The following CCDC30 variants were observed in gnomAD, a reference collection of about 807,000 sequenced individuals.
The protein encoded by CCDC30 is coiled-coil domain-containing protein 30.
Under a neutral mutation model 100.2 loss-of-function variants are expected in CCDC30, and 70 were observed. The observed-to-expected ratio is 0.70, with a 90% confidence interval of 0.58 to 0.85. The LOEUF is 0.85. Among genes scored for constraint, CCDC30 ranks in the 40% least tolerant of loss-of-function variants. The pLI is 0.00. For missense variants in CCDC30, 652 were observed against 771.2 expected, an observed-to-expected ratio of 0.85 and a Z score of 1.83; for synonymous variants, 233 against 269.5, an observed-to-expected ratio of 0.86 and a Z score of 1.33.
intron 10 of CCDC30, among the ~76,000 whole-genome samples, chr1:42,600,007 C>T (rs1056324249): frequency 3.3e-5 from 5 of 152,174 alleles, no homozygotes; most frequent in East Asian, 1.9e-4. Context: ...TAAACACTTT[C>T]GAACAACTGG....
intron 6 of CCDC30, among the ~76,000 whole-genome samples, chr1:42,510,716 C>G (rs953619895): frequency 3.3e-5 from 5 of 151,408 alleles, no homozygotes; most frequent in Non-Finnish European, 5.9e-5. Context: ...AGAAAATTGG[C>G]CTAAGTCTCC....
intron 6 of CCDC30, among the ~76,000 whole-genome samples, chr1:42,515,090 T>G (rs1408453514): frequency 6.6e-6 from 1 of 151,872 alleles, no homozygotes; most frequent in Non-Finnish European, 1.5e-5. Flanking sequence ...GGGTGGGCCT[T>G]AATCCAATAT....
chr1:42,472,512 C>T (rs1054532802), intron 1 of CCDC30, among the ~76,000 whole-genome samples: 1 of 152,118 alleles, frequency 6.6e-6, no homozygotes, highest in Non-Finnish European at 1.5e-5. Flanking sequence ...GCCTCTCTAG[C>T]TTCCAGAGGA....
intron 1 of CCDC30, among the ~76,000 whole-genome samples, chr1:42,476,076 A>G (rs1411200028): frequency 1.3e-5 from 2 of 152,230 alleles, no homozygotes; most frequent in African/African-American, 2.4e-5. Flanking sequence ...AAATATATGG[A>G]AAGGCTGAAA....
At chr1:42,621,839 G>C (rs1053388859) in intron 11 of CCDC30, among the ~76,000 whole-genome samples, 1 of 151,856 alleles carries the variant, frequency 6.6e-6, no homozygotes, top group African/African-American at 2.4e-5. Flanking sequence ...TAGAGTCAAG[G>C]TCTTACTATG....
At chr1:42,521,595 T>C (rs995395751) in intron 6 of CCDC30, among the ~76,000 whole-genome samples, 9 of 152,168 alleles carry the variant, frequency 5.9e-5, no homozygotes, top group African/African-American at 2.2e-4. Context: ...GTTGTTCAAG[T>C]CCTCTATTTC....
chr1:42,457,145 C>T, the CCDC30 span: 8 of 1,590,094 alleles, frequency 5.0e-6, no homozygotes, highest in Non-Finnish European at 6.0e-6. Flanking sequence ...CCCCTTACCT[C>T]CTGCTTACCC....
chr1:42,465,005 C>A (rs1569651995), intron 1 of CCDC30, among the ~76,000 whole-genome samples: 1 of 152,152 alleles, frequency 6.6e-6, no homozygotes, highest in Admixed American at 6.5e-5. Flanking sequence ...CTGGATAAAA[C>A]CTAACTCTTG....
chr1:42,498,744 A>C (rs897978172), intron 5 of CCDC30, 74 bp from the exon 6 acceptor site: 1 of 628,006 alleles, frequency 1.6e-6, no homozygotes. Flanking sequence ...TTACTTGTAT[A>C]ATTAAAAAAC....
At chr1:42,503,210 G>A (rs6664054) in intron 6 of CCDC30, among the ~76,000 whole-genome samples, 3,744 of 152,184 alleles carry the variant, frequency 0.025, 64 homozygotes, top group Non-Finnish European at 0.04. Context: ...TGTTGTCAGG[G>A]GTAAATACCT....
intron 12 of CCDC30, among the ~76,000 whole-genome samples, chr1:42,642,262 T>G (rs1485945437): frequency 6.6e-6 from 1 of 151,418 alleles, no homozygotes; most frequent in Non-Finnish European, 1.5e-5. Flanking sequence ...TATATATATA[T>G]ATGACATGAC....
chr1:42,626,701 T>A (rs1203580744), intron 11 of CCDC30, among the ~76,000 whole-genome samples: 3 of 152,086 alleles, frequency 2.0e-5, no homozygotes, highest in African/African-American at 7.2e-5. Flanking sequence ...GTGCTATTCT[T>A]GTGATAGTGA....
chr1:42,483,038 A>G (rs1239450792), intron 3 of CCDC30: 1 of 339,602 alleles, frequency 2.9e-6, no homozygotes, highest in African/African-American at 2.1e-5. Flanking sequence ...ACCACTCACC[A>G]CAAGAAATTC....
At chr1:42,535,017 AC>A (rs1644869168) in intron 6 of CCDC30, 1 of 152,166 alleles carries the variant, frequency 6.6e-6, no homozygotes, top group Non-Finnish European at 1.5e-5. Flanking sequence ...ATTTTCAGTT[AC>A]GTTTTCTAAT....
At chr1:42,583,610 T>C (rs1646011076) in intron 9 of CCDC30, among the ~76,000 whole-genome samples, 1 of 152,242 alleles carries the variant, frequency 6.6e-6, no homozygotes, top group South Asian at 2.1e-4. Flanking sequence ...CATTTAGATT[T>C]TTCCCAGTTT....
At chr1:42,570,149 T>C (rs1645702079) in intron 7 of CCDC30, among the ~76,000 whole-genome samples, 2 of 151,984 alleles carry the variant, frequency 1.3e-5, no homozygotes, top group South Asian at 4.1e-4. Context: ...AAATTAATTA[T>C]TTAAAAATTT....
At chr1:42,546,063 CT>C (rs1405830976) in intron 6 of CCDC30, among the ~76,000 whole-genome samples, 2 of 151,582 alleles carry the variant, frequency 1.3e-5, no homozygotes, top group East Asian at 1.9e-4. Flanking sequence ...CATTTTAAAA[CT>C]TTTTTCCTGC....
At chr1:42,551,232 G>T (rs2148543441) in intron 6 of CCDC30, among the ~76,000 whole-genome samples, 1 of 149,258 alleles carries the variant, frequency 6.7e-6, no homozygotes, top group East Asian at 2.0e-4. Flanking sequence ...AGCACTCATG[G>T]TTTCTACTGT....
chr1:42,507,170 A>G (rs2148486800), intron 6 of CCDC30, among the ~76,000 whole-genome samples: 1 of 152,266 alleles, frequency 6.6e-6, no homozygotes, highest in East Asian at 1.9e-4. Flanking sequence ...CAGGTGATCC[A>G]TCCGCCTTGG....
Sources: gnomAD v4.1 joint callset for allele counts (sites outside exome capture counted in the v4.1 genomes callset) on GRCh38, gnomAD v4.1.1 for gene constraint, MANE v1.5 for transcripts, NCBI Gene and HGNC (gene_info 2026-07-23, HGNC 2026-07-21) for gene names.